Variants in GRIA3 observed in about 807,000 individuals in gnomAD.
GRIA3 encodes glutamate receptor 3.
Under a neutral mutation model 63.0 loss-of-function variants are expected in GRIA3, and 3 were observed. That is an observed-to-expected ratio of 0.05 (90% CI 0.02 to 0.12). The LOEUF is 0.12. GRIA3 is among the 10% of genes least tolerant of loss of function. GRIA3 has a pLI of 1.00. For synonymous variants in GRIA3, 274 were observed against 257.9 expected (o/e 1.06, Z -0.60); for missense variants, 347 against 700.9 (o/e 0.50, Z 5.70).
chrX:123,219,836 T>C lies in GRIA3; in HGVS notation c.269-33467T>C, dbSNP rs768554040. ...TTCAAAGCTACTGAGTAGCAGGCAC[T>C]AGGTGTGGCCATGAATGTGGACCAT... On this transcript the variant is annotated intron_variant, in intron 2 of 15. Coordinates refer to ENST00000620443, the MANE Select transcript of GRIA3 (RefSeq NM_007325.5). 2.7e-5 allele frequency among the ~76,000 whole-genome samples: 3 copies of C among 112,712 alleles called. No individual in the cohort carries two copies. In the East Asian group the frequency reaches 8.4e-4, roughly 31 times the overall value.
intron 5 of GRIA3, among the ~76,000 whole-genome samples, chrX:123,372,041 T>A (rs1189222638): frequency 8.9e-6 from 1 of 111,979 alleles, no homozygotes; most frequent in African/African-American, 3.2e-5. Context: ...TCCATTTTGA[T>A]TTGATGTTTG....
At chrX:123,202,631 C>T (rs751327893) in intron 2 of GRIA3, 2 of 1,164,109 alleles carry the variant, frequency 1.7e-6, no homozygotes, top group African/African-American at 3.6e-5. Context: ...TTGTCACCCC[C>T]ACAGGTCCTG....
chrX:123,200,188 T>C (rs985722247), intron 2 of GRIA3, among the ~76,000 whole-genome samples: 1 of 111,151 alleles, frequency 9.0e-6, no homozygotes, highest in Non-Finnish European at 1.9e-5. Flanking sequence ...TCTTATTCTC[T>C]AGTAAGTCAT....
intron 2 of GRIA3, among the ~76,000 whole-genome samples, chrX:123,191,881 T>C (rs1422621849): frequency 1.8e-5 from 2 of 111,262 alleles, no homozygotes; most frequent in Non-Finnish European, 3.8e-5. Context: ...AAAGGGTTAA[T>C]ATATGTAACG....
At chrX:123,460,529 A>T (rs1366759806) in intron 12 of GRIA3, among the ~76,000 whole-genome samples, 2 of 112,268 alleles carry the variant, frequency 1.8e-5, no homozygotes, top group African/African-American at 6.5e-5. Context: ...TGCAGCCATT[A>T]TAAAGGAAAT....
In GRIA3 at chrX:123,395,079, G is replaced by T; in HGVS notation, c.862G>T (p.Val288Leu). The T allele has an allele frequency of 8.3e-7, 1 of 1,206,986 alleles. No individual in the cohort carries two copies. Among genetic ancestry groups the T allele is most frequent in the Non-Finnish European group, 1.1e-6 (1 of 891,126 alleles). The change falls in exon 6 of 16, where the codon GTG becomes TTG. Residue 288 changes from valine to leucine, a missense_variant. Transcript: ENST00000620443. ...GGTTCAGCAGTTCATACAGCGCTGG[G>T]TGAGGCTGGATGAAAGGGAATTCCC... The part of the protein sequence containing the change: ...PMVQQFIQRW[V>L]RLDEREFPEA...
At chrX:123,451,791 A>G (rs1259937862) in intron 12 of GRIA3, among the ~76,000 whole-genome samples, 2 of 109,788 alleles carry the variant, frequency 1.8e-5, no homozygotes, top group Non-Finnish European at 3.8e-5. Flanking sequence ...GGGGTGGGGG[A>G]GAATCAAGAG....
At chrX:123,205,876 TAGAC>T (rs1158054572) in intron 2 of GRIA3, among the ~76,000 whole-genome samples, 1 of 111,956 alleles carries the variant, frequency 8.9e-6, no homozygotes, top group East Asian at 2.8e-4. Context: ...AAAAAGCAAG[TAGAC>T]AGTTTATTAC....
chrX:123,401,463 C>A (rs776428131), intron 7 of GRIA3, among the ~76,000 whole-genome samples: 1 of 111,990 alleles, frequency 8.9e-6, no homozygotes, highest in African/African-American at 3.2e-5. Flanking sequence ...GCCCTTCATG[C>A]TCACATTATG....
chrX:123,398,600 T>C lies in GRIA3; in HGVS notation c.913-36T>C, dbSNP rs374683183. 7.1e-6 allele frequency: 8 copies of C among 1,119,950 alleles called. No homozygotes were observed. In the African/African-American group the frequency reaches 1.3e-4, roughly 18 times the overall value. The allele number at this position is 1,119,950 out of a possible 1,213,427, so 92.3% of individuals were successfully genotyped here. On this transcript the variant is annotated intron_variant, in intron 6 of 15. Coordinates refer to ENST00000620443, the MANE Select transcript of GRIA3 (RefSeq NM_007325.5). ...CAAGGCAAATTTTGAGGGTATCATT[T>C]ATCATGATATCTTGTTTTTCATGCA...
chrX:123,418,168 T>A (rs1306432290), intron 11 of GRIA3, among the ~76,000 whole-genome samples: 1 of 111,843 alleles, frequency 8.9e-6, no homozygotes, highest in African/African-American at 3.2e-5. Context: ...CCAGACAAAA[T>A]TTAAAAGAAC....
At chrX:123,409,631 C>A (rs1487573831) in intron 10 of GRIA3, among the ~76,000 whole-genome samples, 4 of 112,023 alleles carry the variant, frequency 3.6e-5, no homozygotes, top group Non-Finnish European at 7.5e-5. Flanking sequence ...TTACAGACCA[C>A]AAGTTTTTAT....
intron 6 of GRIA3, among the ~76,000 whole-genome samples, chrX:123,396,788 T>C (rs2045416444): frequency 8.9e-6 from 1 of 112,359 alleles, no homozygotes; most frequent in Non-Finnish European, 1.9e-5. Flanking sequence ...CATAAAGTCA[T>C]GGTTCAAATG....
At chrX:123,426,558 G>T (rs900213251) in intron 11 of GRIA3, among the ~76,000 whole-genome samples, 3 of 111,925 alleles carry the variant, frequency 2.7e-5, no homozygotes, top group Non-Finnish European at 5.6e-5. Flanking sequence ...AGATGATATT[G>T]ATATGCAGGC....
At chrX:123,346,286 T>C (rs1198679903) in intron 4 of GRIA3, among the ~76,000 whole-genome samples, 1 of 112,063 alleles carries the variant, frequency 8.9e-6, no homozygotes, top group Non-Finnish European at 1.9e-5. Flanking sequence ...TACATTGTCT[T>C]TAGCAGATAC....
intron 4 of GRIA3, among the ~76,000 whole-genome samples, chrX:123,342,804 A>G (rs1294611934): frequency 2.7e-5 from 3 of 111,889 alleles, no homozygotes; most frequent in African/African-American, 9.8e-5. Flanking sequence ...ATGCCCAGCA[A>G]CAAAGGAGAA....
At chrX:123,293,907 T>C (rs1326755100) in intron 3 of GRIA3, among the ~76,000 whole-genome samples, 3 of 110,348 alleles carry the variant, frequency 2.7e-5, no homozygotes, top group Middle Eastern at 4.6e-3. Flanking sequence ...AAAATAATGA[T>C]ACTTATAAAG....
At chrX:123,480,507 TAAC>T (rs1169896007) in intron 14 of GRIA3, among the ~76,000 whole-genome samples, 2 of 111,642 alleles carry the variant, frequency 1.8e-5, no homozygotes, top group East Asian at 2.8e-4. Context: ...ATAATAACAA[TAAC>T]AACAACAACA....
chrX:123,376,677 G>A (rs766144386), intron 5 of GRIA3, among the ~76,000 whole-genome samples: 30 of 111,217 alleles, frequency 2.7e-4, no homozygotes, highest in African/African-American at 9.5e-4. Context: ...TTATCTTTCA[G>A]GTATTTAGTG....
Sources: gnomAD v4.1 joint callset for allele counts (sites outside exome capture counted in the v4.1 genomes callset) on GRCh38, gnomAD v4.1.1 for gene constraint, MANE v1.5 for transcripts, NCBI Gene and HGNC (gene_info 2026-07-23, HGNC 2026-07-21) for gene names.